ZNF611: variants seen among roughly 807,000 people sequenced by gnomAD.
ZNF611 encodes the protein zinc finger protein 611.
Under a neutral mutation model 8.9 loss-of-function variants are expected in ZNF611, and 6 were observed. The observed-to-expected ratio is 0.68, with a 90% confidence interval of 0.37 to 1.34. The LOEUF is 1.34. Among genes scored for constraint, ZNF611 ranks in the 40% most tolerant of loss-of-function variants. ZNF611 has a pLI of 0.02. For missense variants in ZNF611, 874 were observed against 841.3 expected (o/e 1.04, Z -0.48); for synonymous variants, 262 against 279.7 (o/e 0.94, Z 0.63).
chr19:52,707,499 TCA>T (rs919883535), intron 5 of ZNF611: 1 of 144,938 alleles, frequency 6.9e-6, no homozygotes, highest in Admixed American at 7.0e-5. Flanking sequence ...TGAGCCAGGA[TCA>T]CACCACTGCA....
intron 3 of ZNF611, among the ~76,000 whole-genome samples, chr19:52,726,044 C>T (rs1170036622): frequency 1.3e-5 from 2 of 152,254 alleles, no homozygotes; most frequent in African/African-American, 2.4e-5. Context: ...ATGCAAAGCC[C>T]TGCCTGGGCG....
chr19:52,727,260 T>C (rs1282097417), intron 3 of ZNF611, among the ~76,000 whole-genome samples: 1 of 151,366 alleles, frequency 6.6e-6, no homozygotes, highest in African/African-American at 2.5e-5. Context: ...TCCACGATGA[T>C]AATAGAGAAA....
rs1421594409 is a variant in ZNF611, at chr19:52,704,021, A to T, written c.*916T>A. On this transcript the variant is annotated 3_prime_UTR_variant, in exon 6 of 6. Transcript: ENST00000652185. ...TAAGAAACAAAAAACAGGCTGAGAA[A>T]AGTGGCTCACATCTGTTGGCCATGC... The T allele has an allele frequency of 1.1e-5, 2 of 179,832 alleles. No homozygotes were observed. Among genetic ancestry groups the T allele is most frequent in the African/African-American group, 4.8e-5 (2 of 41,778 alleles). 11.1% of individuals were successfully genotyped at this position (179,832 alleles called of 1,614,324 possible). A position where few individuals can be genotyped will look rare whatever the true frequency, so the allele number is the denominator to read the frequency against.
intron 3 of ZNF611, among the ~76,000 whole-genome samples, chr19:52,727,317 G>A (rs1447751068): frequency 6.6e-6 from 1 of 152,300 alleles, no homozygotes; most frequent in Non-Finnish European, 1.5e-5. Context: ...ACCAGAATGT[G>A]ATGGGAAATA....
chr19:52,713,403 C>T (rs2062293312), intron 5 of ZNF611, among the ~76,000 whole-genome samples: 1 of 152,086 alleles, frequency 6.6e-6, no homozygotes, highest in Non-Finnish European at 1.5e-5. Context: ...AACAGTGACA[C>T]ATATTGGTGT....
Position 52,704,318 on chromosome 19 carries a change from T to A in ZNF611, c.*619A>T. ...TTCTGATGTTCTGCATGGAGTGATC[T>A]TGGACTGAAGACCTTGCCACACTGA... On this transcript the variant is annotated 3_prime_UTR_variant, in exon 6 of 6. Coordinates refer to ENST00000652185, the MANE Select transcript of ZNF611 (RefSeq NM_001161499.2). 1 of 586,298 alleles carries A rather than the reference T, an allele frequency of 1.7e-6. No homozygotes were observed. Among genetic ancestry groups the A allele is most frequent in the Non-Finnish European group, 3.4e-6 (1 of 297,144 alleles). The allele number at this position is 586,298 out of a possible 1,614,324, so 36.3% of individuals were successfully genotyped here. A position where few individuals can be genotyped will look rare whatever the true frequency, so the allele number is the denominator to read the frequency against.
At chr19:52,726,722 G>GTTTTTTTTTTTTTTTTTTTT (rs56146245) in intron 3 of ZNF611, among the ~76,000 whole-genome samples, 1 of 130,304 alleles carries the variant, frequency 7.7e-6, no homozygotes, top group Non-Finnish European at 1.7e-5. Context: ...TCGGCCTTGT[G>GTTTTTTTTTTTTTTTTTTTT]TTTTTTTTTT....
At chr19:52,707,360 A>G (rs1438266613) in intron 5 of ZNF611, 1 of 152,492 alleles carries the variant, frequency 6.6e-6, no homozygotes, top group Non-Finnish European at 1.5e-5. Context: ...TTGTCAAACA[A>G]TTATAGCACT....
At chr19:52,713,073 G>C (rs959920134) in intron 5 of ZNF611, among the ~76,000 whole-genome samples, 1 of 152,132 alleles carries the variant, frequency 6.6e-6, no homozygotes, top group African/African-American at 2.4e-5. Flanking sequence ...ACACATGCCT[G>C]TAATCCCAGC....
chr19:52,714,039 T>C lies in ZNF611; in HGVS notation c.166A>G (p.Asn56Asp). The C allele has an allele frequency of 6.2e-7, 1 of 1,614,098 alleles. No homozygotes were observed. Among genetic ancestry groups the C allele is most frequent in the Non-Finnish European group, 8.5e-7 (1 of 1,180,018 alleles). Residue 56 changes from asparagine to aspartate, a missense_variant, in exon 5 of 6, where the codon AAC becomes GAC. By Grantham distance (23) the Asn-to-Asp change is conservative. Coordinates refer to ENST00000652185, the MANE Select transcript of ZNF611 (RefSeq NM_001161499.2). ...RALYREVMLE[N>D]YRNLEAVDIS... The stretch of plus-strand genomic sequence containing the variant: ...CCCACAGCCTCCAGGTTCCTGTAGT[T>C]CTCCAACATCACTTCCCTGTACAAA...
At position 52,732,456 on chromosome 19, in the gene ZNF611, AACTC is replaced by A. The variant is rs2062432121; in HGVS notation, c.-221-2455_-221-2452del. 2.5e-5 allele frequency among the ~76,000 whole-genome samples: 2 copies of A among 78,926 alleles called. 1 individual carries two copies. The highest frequency in any genetic ancestry group is 4.7e-5 in the Non-Finnish European group (2 of 42,354). 51.8% of individuals were successfully genotyped at this position (78,926 alleles called of 152,430 possible). A position where few individuals can be genotyped will look rare whatever the true frequency, so the allele number is the denominator to read the frequency against. On this transcript the variant is annotated intron_variant, in intron 1 of 5. Coordinates refer to ENST00000652185, the MANE Select transcript of ZNF611 (RefSeq NM_001161499.2). ...CTCACAGTATTGAGTTATTCAGAAT[AACTC>A]ACAGTATTGAGTTATTCAGAATAAC...
In ZNF611 at chr19:52,702,986, T is replaced by G. The variant is rs759232660; in HGVS notation, c.*1951A>C. On this transcript the variant is annotated 3_prime_UTR_variant, in exon 6 of 6. Transcript: ENST00000652185. ...AACTAATTTAAAACAGCAACTATTTTGAAATTGTTTTTTAAAAAAATCTAA... is the reference window on the plus strand; with the variant it reads ...AACTAATTTAAAACAGCAACTATTTGGAAATTGTTTTTTAAAAAAATCTAA... 5.3e-5 allele frequency: 8 copies of G among 151,930 alleles called. No homozygotes were observed. Among genetic ancestry groups the G allele is most frequent in the Non-Finnish European group, 1.2e-4 (8 of 68,034 alleles). The allele number at this position is 151,930 out of a possible 1,614,324, so 9.4% of individuals were successfully genotyped here.
At chr19:52,713,752 G>C (rs916909742) in intron 5 of ZNF611, among the ~76,000 whole-genome samples, 1 of 152,088 alleles carries the variant, frequency 6.6e-6, no homozygotes, top group African/African-American at 2.4e-5. Context: ...TTAGCTGGGT[G>C]TGGTCTCGCA....
At chr19:52,726,505 C>T (rs995461128) in intron 3 of ZNF611, among the ~76,000 whole-genome samples, 7 of 152,112 alleles carry the variant, frequency 4.6e-5, no homozygotes, top group African/African-American at 1.7e-4. Context: ...ACTGCAAGCT[C>T]CACCTCCCGG....
intron 3 of ZNF611, among the ~76,000 whole-genome samples, chr19:52,722,188 C>T (rs921488971): frequency 4.0e-5 from 6 of 151,358 alleles, no homozygotes; most frequent in Admixed American, 6.6e-5. Context: ...ATACTGAAAC[C>T]GTTTCTACAA....
intron 1 of ZNF611, among the ~76,000 whole-genome samples, chr19:52,733,412 C>G (rs2062437476): frequency 6.6e-6 from 1 of 152,152 alleles, no homozygotes; most frequent in Non-Finnish European, 1.5e-5. Flanking sequence ...GTCATCCTCC[C>G]AGCTTGGCCA....
In ZNF611 at chr19:52,706,454, G is replaced by C; in HGVS notation, c.601C>G (p.Gln201Glu). Residue 201 changes from glutamine to glutamate, a missense_variant, in exon 6 of 6, where the codon CAA (glutamine) becomes GAA (glutamate). By Grantham distance (29) the Gln-to-Glu change is conservative. Coordinates refer to ENST00000652185, the MANE Select transcript of ZNF611 (RefSeq NM_001161499.2). ...CCATAGTTATTAGAAATCTGGGTTT[G>C]GGGCCTACAGGAAATTCTTTGGAAT... Reference protein sequence around the residue: ...STFQRISCRPQTQISNNYGNN... With the variant: ...STFQRISCRPETQISNNYGNN... 6.2e-7 allele frequency: 1 copy of C among 1,614,138 alleles called. No homozygotes were observed. Among genetic ancestry groups the C allele is most frequent in the East Asian group, 2.2e-5 (1 of 44,880 alleles).
chr19:52,722,215 T>A (rs758505041), intron 3 of ZNF611, among the ~76,000 whole-genome samples: 2 of 151,450 alleles, frequency 1.3e-5, no homozygotes, highest in Non-Finnish European at 2.9e-5. Context: ...TAAAATAAAA[T>A]AAAAAATAAA....
At chr19:52,712,456 T>TAAAAAAAAAAA (rs55649603) in intron 5 of ZNF611, among the ~76,000 whole-genome samples, 2 of 37,466 alleles carry the variant, frequency 5.3e-5, no homozygotes, top group African/African-American at 1.1e-4. Flanking sequence ...CTGTCTCTAC[T>TAAAAAAAAAAA]AAAAAAAAAA....
Sources: gnomAD v4.1 joint callset for allele counts (sites outside exome capture counted in the v4.1 genomes callset) on GRCh38, gnomAD v4.1.1 for gene constraint, MANE v1.5 for transcripts, NCBI Gene and HGNC (gene_info 2026-07-23, HGNC 2026-07-21) for gene names.